The following ITGB8 variants were observed in gnomAD, a reference collection of about 807,000 sequenced individuals.
The protein encoded by ITGB8 is integrin subunit beta 8.
ITGB8 carries 30 observed loss-of-function variants against 89.5 expected under a neutral mutation model. The observed-to-expected ratio is 0.34, with a 90% confidence interval of 0.25 to 0.45. ITGB8 has a LOEUF of 0.45. Ranked by LOEUF, ITGB8 falls within the 20% of genes least tolerant of loss-of-function variation. The pLI, the probability that ITGB8 is intolerant of heterozygous loss-of-function variation, is 1.00. For synonymous variants in ITGB8, 335 were observed against 320.4 expected, an observed-to-expected ratio of 1.05 and a Z score of -0.49; for missense variants, 836 against 933.3, an observed-to-expected ratio of 0.90 and a Z score of 1.36.
rs1472952031 is a variant in ITGB8, at chr7:20,412,862, G to C, written c.*2865G>C. 1 of 152,566 alleles carries C rather than the reference G, an allele frequency of 6.6e-6. No individual in the cohort carries two copies. Among genetic ancestry groups the C allele is most frequent in the African/African-American group, 2.4e-5 (1 of 41,446 alleles). 9.5% of individuals were successfully genotyped at this position (152,566 alleles called of 1,614,324 possible). A position where few individuals can be genotyped will look rare whatever the true frequency, so the allele number is the denominator to read the frequency against. On this transcript the variant is annotated 3_prime_UTR_variant, in exon 14 of 14. Transcript: ENST00000222573. ...TTAGGTTAAATAATGTATGCAAATAGAGTCTATTTTCAACTAATATGGCCA... is the reference window on the plus strand; with the variant it reads ...TTAGGTTAAATAATGTATGCAAATACAGTCTATTTTCAACTAATATGGCCA...
chr7:20,346,861 T>C (rs2128129813), intron 1 of ITGB8: 1 of 985,322 alleles, frequency 1.0e-6, no homozygotes, highest in Non-Finnish European at 1.2e-6. Context: ...TTGGAGTTAA[T>C]GGCAGGTAGA....
chr7:20,368,340 A>C (rs933560743), intron 3 of ITGB8, among the ~76,000 whole-genome samples: 1 of 152,182 alleles, frequency 6.6e-6, no homozygotes, highest in Non-Finnish European at 1.5e-5. Context: ...TTAGAAAAAG[A>C]GAGACAGGGT....
rs191864187 is a variant in ITGB8, at chr7:20,380,540, G to A, written c.636-126G>A. On this transcript the variant is annotated intron_variant, in intron 4 of 13. Transcript: ENST00000222573. ...AATTTTATAAGCATAGATTTTCGTC[G>A]TATAAAGTTTCCCTGGCACAAAAGA... 2.8e-5 allele frequency: 20 copies of A among 720,692 alleles called. No individual in the cohort carries two copies. In the Admixed American group the frequency reaches 3.7e-4, roughly 13 times the overall value. The allele number at this position is 720,692 out of a possible 1,614,324, so 44.6% of individuals were successfully genotyped here. A position where few individuals can be genotyped will look rare whatever the true frequency, so the allele number is the denominator to read the frequency against.
intron 3 of ITGB8, among the ~76,000 whole-genome samples, chr7:20,367,483 G>C (rs1460962464): frequency 6.6e-6 from 1 of 152,144 alleles, no homozygotes; most frequent in Non-Finnish European, 1.5e-5. Context: ...GGAGCAAGGG[G>C]ACATGTTTAT....
At chr7:20,332,100 A>C (rs1411876808) in intron 1 of ITGB8, 167 bp downstream of exon 1, 1 of 1,371,234 alleles carries the variant, frequency 7.3e-7, no homozygotes, top group African/African-American at 1.5e-5. Flanking sequence ...CCTAGAGGCC[A>C]GGTGTCAAGC....
chr7:20,380,601 G>C, intron 4 of ITGB8, 65 bp from the exon 5 acceptor site: 1 of 1,316,820 alleles, frequency 7.6e-7, no homozygotes, highest in Non-Finnish European at 1.1e-6. Context: ...CAATTTTACT[G>C]TTAAGTATTC....
intron 1 of ITGB8, among the ~76,000 whole-genome samples, chr7:20,339,919 T>A (rs2128126769): frequency 6.6e-6 from 1 of 152,206 alleles, no homozygotes; most frequent in Non-Finnish European, 1.5e-5. Context: ...TCCCAGCTAC[T>A]TGGGAGGCTG....
intron 9 of ITGB8, among the ~76,000 whole-genome samples, chr7:20,400,267 G>A (rs956745661): frequency 1.3e-5 from 2 of 151,814 alleles, no homozygotes; most frequent in African/African-American, 4.8e-5. Flanking sequence ...CAATTGAGTA[G>A]TATAAATAGT....
chr7:20,395,740 G>A (rs1292124611), intron 8 of ITGB8, among the ~76,000 whole-genome samples: 1 of 152,138 alleles, frequency 6.6e-6, no homozygotes, highest in African/African-American at 2.4e-5. Context: ...CTATAAAGCA[G>A]GTGGTTAGTA....
chr7:20,367,173 C>A lies in ITGB8; in HGVS notation c.375C>A (p.Ile125=), dbSNP rs1785734651. The A allele has an allele frequency of 2.5e-6, 4 of 1,607,464 alleles. No homozygotes were observed. Among genetic ancestry groups the A allele is most frequent in the Non-Finnish European group, 2.6e-6 (3 of 1,176,086 alleles). Residue 125 remains isoleucine, a synonymous_variant, in exon 3 of 14, where the codon ATC becomes ATA. Coordinates refer to ENST00000222573, the MANE Select transcript of ITGB8 (RefSeq NM_002214.3). ...AGGTGACACCAGGAGAAGTGTCTAT[C>A]CAGCTGCGTCCAGGTTTGGTCATTT... ...NTQVTPGEVS[I]QLRPGAEANF...
At position 20,398,981 on chromosome 7, in the gene ITGB8, C is replaced by T. The variant is rs376271288; in HGVS notation, c.1268C>T (p.Thr423Met). The part of the protein sequence containing the change: ...KPGMEGCRNV[T>M]SNDEVLFNVT... ...GGCATGGAAGGATGCAGAAACGTGA[C>T]GAGCAATGATGAAGTATGTGGGTGT... Residue 423 changes from threonine to methionine, a missense_variant, in exon 9 of 14, where the codon ACG becomes ATG. Physicochemically the swap from Thr to Met is moderately conservative, Grantham distance 81. Transcript: ENST00000222573. 3.2e-5 allele frequency: 51 copies of T among 1,613,098 alleles called. No individual in the cohort carries two copies. The East Asian group carries it at 4.7e-4, about 15-fold the overall frequency.
At chr7:20,386,931 G>A (rs763396424) in intron 6 of ITGB8, among the ~76,000 whole-genome samples, 1 of 152,104 alleles carries the variant, frequency 6.6e-6, no homozygotes, top group Non-Finnish European at 1.5e-5. Flanking sequence ...CCCTTCTTCA[G>A]TAAATAGGGT....
intron 1 of ITGB8, among the ~76,000 whole-genome samples, chr7:20,358,381 A>G (rs1479379418): frequency 6.6e-6 from 1 of 151,926 alleles, no homozygotes; most frequent in Non-Finnish European, 1.5e-5. Context: ...AATTTTTCTC[A>G]GATTTCCAGA....
chr7:20,357,359 CTT>C (rs1785332827), intron 1 of ITGB8, among the ~76,000 whole-genome samples: 1 of 151,946 alleles, frequency 6.6e-6, no homozygotes, highest in Admixed American at 6.6e-5. Flanking sequence ...ATTTTTAAAA[CTT>C]TATCACCCAA....
Position 20,363,701 on chromosome 7 carries a change from A to G in ITGB8, c.192A>G (p.Glu64=). 1 of 1,603,548 alleles carries G rather than the reference A, an allele frequency of 6.2e-7. No homozygotes were observed. ...CCAGGTGCCTTGCGCTGGGTCCAGA[A>G]TGTGGATGGTGTGTTCAAGAGGTGT... ...SCARCLALGP[E]CGWCVQEDFI... Residue 64 remains glutamate (E), a synonymous_variant, in exon 2 of 14, where the codon GAA becomes GAG. Transcript: ENST00000222573.
intron 1 of ITGB8, among the ~76,000 whole-genome samples, chr7:20,340,595 A>C (rs1784725185): frequency 6.6e-6 from 1 of 152,250 alleles, no homozygotes; most frequent in Non-Finnish European, 1.5e-5. Flanking sequence ...ATGAAGCCAC[A>C]GTTAAAAGTA....
intron 1 of ITGB8, among the ~76,000 whole-genome samples, chr7:20,338,462 G>A (rs1462899616): frequency 2.6e-5 from 4 of 151,756 alleles, no homozygotes; most frequent in Admixed American, 6.6e-5. Flanking sequence ...AGACCAGCCC[G>A]TCTTTACTAA....
intron 4 of ITGB8, chr7:20,379,849 C>A (rs1443362564): frequency 6.6e-6 from 1 of 152,050 alleles, no homozygotes; most frequent in Non-Finnish European, 1.5e-5. Flanking sequence ...TTTTTCTTAT[C>A]ATTTTAGATT....
chr7:20,396,383 A>G (rs569101333), intron 8 of ITGB8, among the ~76,000 whole-genome samples: 1 of 151,744 alleles, frequency 6.6e-6, no homozygotes, highest in Non-Finnish European at 1.5e-5. Context: ...CAATGAGCCG[A>G]GATTGCGCCA....
Sources: allele counts gnomAD v4.1 joint callset (sites outside exome capture counted in the v4.1 genomes callset), GRCh38; gene constraint gnomAD v4.1.1; transcripts MANE v1.5; gene names NCBI Gene and HGNC (gene_info 2026-07-23, HGNC 2026-07-21).